Variants in ICA1L observed in about 807,000 individuals in gnomAD.
The protein encoded by ICA1L is islet cell autoantigen 1-like protein.
A neutral mutation model predicts 61.3 loss-of-function variants in ICA1L; 50 were observed. That is an observed-to-expected ratio of 0.82 (90% CI 0.65 to 1.03). The LOEUF is 1.03. ICA1L is among the 50% of genes least tolerant of loss of function. The pLI is 0.00. For missense variants in ICA1L, 508 were observed against 556.7 expected (o/e 0.91, Z 0.88); for synonymous variants, 161 against 191.3 (o/e 0.84, Z 1.31).
At chr2:202,842,728 A>G (rs538089537) in intron 1 of ICA1L, among the ~76,000 whole-genome samples, 35 of 152,320 alleles carry the variant, frequency 2.3e-4, no homozygotes, top group African/African-American at 7.7e-4. Flanking sequence ...TATTTATTTA[A>G]GTAAACTTTC....
At chr2:202,795,696 T>C (rs1225918038) in intron 10 of ICA1L, among the ~76,000 whole-genome samples, 1 of 152,200 alleles carries the variant, frequency 6.6e-6, no homozygotes, top group Non-Finnish European at 1.5e-5. Flanking sequence ...AAAAGAAATA[T>C]AGTATATGAC....
chr2:202,810,825 T>C (rs1693355567), intron 9 of ICA1L, among the ~76,000 whole-genome samples: 1 of 152,156 alleles, frequency 6.6e-6, no homozygotes, highest in African/African-American at 2.4e-5. Flanking sequence ...GGCAGCTGTC[T>C]TTTATGGTCA....
chr2:202,782,182 C>A (rs541310982), intron 12 of ICA1L, among the ~76,000 whole-genome samples: 14 of 151,926 alleles, frequency 9.2e-5, no homozygotes, highest in African/African-American at 3.4e-4. Context: ...CCCGTCCCTA[C>A]CAAAAAATAC....
chr2:202,811,978 AC>A (rs1446417772), intron 8 of ICA1L, among the ~76,000 whole-genome samples, 189 bp from the exon 9 acceptor site: 6 of 152,068 alleles, frequency 3.9e-5, no homozygotes, highest in African/African-American at 1.4e-4. Context: ...CAGACCTTTC[AC>A]CCCTTATTCC....
At chr2:202,853,303 G>C (rs927404885) in intron 1 of ICA1L, among the ~76,000 whole-genome samples, 2 of 150,944 alleles carry the variant, frequency 1.3e-5, no homozygotes, top group Non-Finnish European at 2.9e-5. Flanking sequence ...CTTGCAGTGA[G>C]CCGGGACTGT....
chr2:202,808,910 CAAG>C (rs1456203538), intron 9 of ICA1L, among the ~76,000 whole-genome samples: 2 of 152,108 alleles, frequency 1.3e-5, no homozygotes. Flanking sequence ...AAAACTTTCC[CAAG>C]AAGGACAGGT....
intron 5 of ICA1L, 28 bp from the exon 6 acceptor site, chr2:202,817,571 C>T (rs778160494): frequency 2.9e-6 from 4 of 1,385,280 alleles, no homozygotes; most frequent in Admixed American, 1.8e-5. Flanking sequence ...ATTTTTATTA[C>T]AGATATATAC....
chr2:202,844,531 G>A (rs1280660105), intron 1 of ICA1L: 3 of 152,128 alleles, frequency 2.0e-5, no homozygotes, highest in African/African-American at 7.2e-5. Flanking sequence ...TCATAACCGA[G>A]CACTAAAATT....
chr2:202,867,050 A>C (rs1687538383), intron 1 of ICA1L, among the ~76,000 whole-genome samples: 1 of 152,218 alleles, frequency 6.6e-6, no homozygotes. Context: ...AAAAAAATCA[A>C]GAAGTTAGAT....
rs1692131101 is a variant in ICA1L, at chr2:202,773,862, G to GC, written c.*5670_*5671insG. On this transcript the variant is annotated 3_prime_UTR_variant, in exon 13 of 13. Coordinates refer to ENST00000358299, the MANE Select transcript of ICA1L (RefSeq NM_001288622.3). Reference sequence around the variant, plus strand: ...GCCCTGTGGGAAGTTTTCTTCTACAGAGGCTGAGTGGAACAGTCCTGCTAA... The same window carrying GC: ...GCCCTGTGGGAAGTTTTCTTCTACAGCAGGCTGAGTGGAACAGTCCTGCTAA... 35 of 1,321,256 alleles carry GC rather than the reference G, an allele frequency of 2.6e-5. No individual in the cohort carries two copies. The highest frequency in any genetic ancestry group is 5.1e-5 in the Admixed American group (3 of 59,144). 81.8% of individuals were successfully genotyped at this position (1,321,256 alleles called of 1,614,324 possible).
chr2:202,825,331 A>G, intron 3 of ICA1L: 1 of 181,784 alleles, frequency 5.5e-6, no homozygotes, highest in Non-Finnish European at 1.1e-5. Flanking sequence ...TTATCCAGGT[A>G]TGGTGGCACA....
At chr2:202,800,767 T>C (rs773133172) in intron 9 of ICA1L, among the ~76,000 whole-genome samples, 6 of 152,106 alleles carry the variant, frequency 3.9e-5, no homozygotes, top group Non-Finnish European at 8.8e-5. Flanking sequence ...TAAAATTCTA[T>C]GCTCAGTTTG....
chr2:202,857,625 G>C (rs963536229), intron 1 of ICA1L, among the ~76,000 whole-genome samples: 2 of 152,144 alleles, frequency 1.3e-5, no homozygotes, highest in Non-Finnish European at 1.5e-5. Context: ...ATTGACAAAT[G>C]GGATCTAATT....
intron 1 of ICA1L, among the ~76,000 whole-genome samples, chr2:202,846,424 T>C (rs1395975783): frequency 2.0e-5 from 3 of 152,022 alleles, no homozygotes; most frequent in Non-Finnish European, 4.4e-5. Context: ...TCACCCCCAC[T>C]AGACCAGAGA....
Position 202,774,152 on chromosome 2 carries a change from G to A in ICA1L, c.*5381C>T. On this transcript the variant is annotated 3_prime_UTR_variant, in exon 13 of 13. Coordinates refer to ENST00000358299, the MANE Select transcript of ICA1L (RefSeq NM_001288622.3). ...TTCATTAATCAATTCATTTGTTGAT[G>A]CTTCATATCTGAGCGGCTTCTTGGA... The A allele has an allele frequency of 6.6e-7, 1 of 1,517,970 alleles. No homozygotes were observed. Among genetic ancestry groups the A allele is most frequent in the Non-Finnish European group, 9.0e-7 (1 of 1,117,166 alleles). 94.0% of individuals were successfully genotyped at this position (1,517,970 alleles called of 1,614,324 possible). A position where few individuals can be genotyped will look rare whatever the true frequency, so the allele number is the denominator to read the frequency against.
At chr2:202,841,565 T>G (rs753058664) in intron 1 of ICA1L, 10 of 707,334 alleles carry the variant, frequency 1.4e-5, no homozygotes, top group Admixed American at 1.1e-4. Flanking sequence ...CAGGCTCTGG[T>G]TGACTGTGAC....
At chr2:202,779,814 T>TTG (rs1553528999) in intron 12 of ICA1L, among the ~76,000 whole-genome samples, 166 bp from the exon 13 acceptor site, 1 of 151,384 alleles carries the variant, frequency 6.6e-6, no homozygotes, top group African/African-American at 2.4e-5. Flanking sequence ...TTTTTTTTTT[T>TTG]TTTGTTTTCG....
intron 1 of ICA1L, among the ~76,000 whole-genome samples, chr2:202,857,281 TA>T (rs1350799009): frequency 6.6e-6 from 1 of 151,876 alleles, no homozygotes; most frequent in Non-Finnish European, 1.5e-5. Flanking sequence ...AAAAGATACA[TA>T]GATCAATGGA....
At chr2:202,780,140 A>G (rs181782505) in intron 12 of ICA1L, among the ~76,000 whole-genome samples, 68 of 152,328 alleles carry the variant, frequency 4.5e-4, no homozygotes, top group African/African-American at 1.6e-3. Flanking sequence ...TGTTCATATC[A>G]AGTAAGAAAT....
Sources: allele counts gnomAD v4.1 joint callset (sites outside exome capture counted in the v4.1 genomes callset), GRCh38; gene constraint gnomAD v4.1.1; transcripts MANE v1.5; gene names NCBI Gene and HGNC (gene_info 2026-07-23, HGNC 2026-07-21).